The following KRAS variants were observed in gnomAD, a reference collection of about 807,000 sequenced individuals.
KRAS encodes GTPase KRas.
KRAS carries 1 observed loss-of-function variant against 21.0 expected under a neutral mutation model. That is an observed-to-expected ratio of 0.05 (90% CI 0.02 to 0.23). The LOEUF (loss-of-function observed/expected upper bound fraction) is 0.23, where lower values mean the gene tolerates loss of function less well. Among genes scored for constraint, KRAS ranks in the 10% least tolerant of loss-of-function variants. The pLI is 1.00. For missense variants in KRAS, 107 were observed against 221.8 expected (o/e 0.48, Z 3.29); for synonymous variants, 67 against 72.5 (o/e 0.92, Z 0.39).
chr12:25,221,268 G>A (rs61762421), intron 4 of KRAS, among the ~76,000 whole-genome samples: 76 of 148,012 alleles, frequency 5.1e-4, no homozygotes, highest in Middle Eastern at 3.5e-3. Context: ...AGTCTCGCTC[G>A]GTCGTCCAGG....
chr12:25,217,484 A>G (rs1951268768), intron 4 of KRAS, among the ~76,000 whole-genome samples: 1 of 152,078 alleles, frequency 6.6e-6, no homozygotes, highest in African/African-American at 2.4e-5. Context: ...TGATATATTT[A>G]TATTTAACGA....
At chr12:25,216,131 A>G (rs1047858197) in intron 4 of KRAS, among the ~76,000 whole-genome samples, 6 of 152,208 alleles carry the variant, frequency 3.9e-5, no homozygotes, top group African/African-American at 1.4e-4. Context: ...TCCAGGGTAT[A>G]CAAGTGAAGC....
At chr12:25,232,288 G>C (rs1951484058) in intron 2 of KRAS, among the ~76,000 whole-genome samples, 2 of 152,094 alleles carry the variant, frequency 1.3e-5, no homozygotes, top group Non-Finnish European at 2.9e-5. Flanking sequence ...GCTAGGAATA[G>C]TTAAATAGCT....
intron 2 of KRAS, chr12:25,234,703 C>T (rs1951521808): frequency 5.3e-6 from 1 of 188,174 alleles, no homozygotes; most frequent in Non-Finnish European, 1.1e-5. Flanking sequence ...TAAAAGCTAA[C>T]TCATTCAAGA....
At chr12:25,210,040 A>G (rs1951186173) in intron 4 of KRAS, 129 bp from the exon 5 acceptor site, 1 of 599,798 alleles carries the variant, frequency 1.7e-6, no homozygotes. Flanking sequence ...AACTGAATAT[A>G]TATTACATAT....
chr12:25,205,469 CAAAAG>C lies in KRAS; in HGVS notation c.*4321_*4325del. 1 of 215,322 alleles carries C rather than the reference CAAAAG, an allele frequency of 4.6e-6. No individual in the cohort carries two copies. The highest frequency in any genetic ancestry group is 6.9e-5 in the East Asian group (1 of 14,398). The allele number at this position is 215,322 out of a possible 1,614,324, so 13.3% of individuals were successfully genotyped here. ...ACTGGATCACACTGCATATGTCCCA[CAAAAG>C]AAAGCACAATGTACAAAATGTGCAT... On this transcript the variant is annotated 3_prime_UTR_variant, in exon 5 of 5. Transcript: ENST00000311936.
In KRAS at chr12:25,211,619, T is replaced by C. The variant is rs1015787760; in HGVS notation, c.451-1708A>G. On this transcript the variant is annotated intron_variant, in intron 4 of 4. Coordinates refer to ENST00000311936, the MANE Select transcript of KRAS (RefSeq NM_004985.5). Reference sequence around the variant, plus strand: ...AAAATGTTAAGTGGTATTTCTCCTTTACTGTACTACTAAGATTAACGATAT... The same window carrying C: ...AAAATGTTAAGTGGTATTTCTCCTTCACTGTACTACTAAGATTAACGATAT... Among the ~76,000 whole-genome samples, 7 of 152,146 alleles carry C rather than the reference T, an allele frequency of 4.6e-5. No individual in the cohort carries two copies. In the South Asian group the frequency reaches 1.4e-3, roughly 31 times the overall value.
chr12:25,214,737 T>C (rs763614643), intron 4 of KRAS, among the ~76,000 whole-genome samples: 5 of 152,140 alleles, frequency 3.3e-5, no homozygotes, highest in East Asian at 3.9e-4. Context: ...CAATGAATGA[T>C]GGCAGCAACT....
chr12:25,209,585 TCAAAAAC>T lies in KRAS; in HGVS notation c.*203_*209del. 7.5e-7 allele frequency: 1 copy of T among 1,337,702 alleles called. No homozygotes were observed. The highest frequency in any genetic ancestry group is 2.0e-5 in the South Asian group (1 of 49,476). 82.9% of individuals were successfully genotyped at this position (1,337,702 alleles called of 1,614,324 possible). A position where few individuals can be genotyped will look rare whatever the true frequency, so the allele number is the denominator to read the frequency against. On this transcript the variant is annotated 3_prime_UTR_variant, in exon 5 of 5. Coordinates refer to ENST00000311936, the MANE Select transcript of KRAS (RefSeq NM_004985.5). ...TTTCTTTTTCACAGGCATTGCTAGT[TCAAAAAC>T]CAAAACTCTGGGAATACTGGCACTT... is the stretch of plus-strand genomic sequence containing the variant.
chr12:25,225,556 G>A (rs543969427), intron 4 of KRAS, 58 bp downstream of exon 4: 4 of 1,481,560 alleles, frequency 2.7e-6, no homozygotes, highest in Non-Finnish European at 3.8e-6. Context: ...TATATTAAAT[G>A]ACATAACAGT....
intron 1 of KRAS, among the ~76,000 whole-genome samples, chr12:25,249,794 T>C (rs1228717656): frequency 3.3e-5 from 5 of 151,858 alleles, no homozygotes; most frequent in East Asian, 1.9e-4. Context: ...ACATAAGAAA[T>C]AGGGGAAAGG....
chr12:25,249,181 G>A (rs1246427898), intron 1 of KRAS, among the ~76,000 whole-genome samples: 1 of 152,158 alleles, frequency 6.6e-6, no homozygotes, highest in Non-Finnish European at 1.5e-5. Flanking sequence ...CAGATCACGA[G>A]GTCAGGAGTT....
At position 25,209,167 on chromosome 12, in the gene KRAS, A is replaced by AT. The variant is rs781019771; in HGVS notation, c.*627dup. 15 of 658,120 alleles carry AT rather than the reference A, an allele frequency of 2.3e-5. No homozygotes were observed. Among genetic ancestry groups the AT allele is most frequent in the Non-Finnish European group, 3.5e-5 (13 of 367,386 alleles). 40.8% of individuals were successfully genotyped at this position (658,120 alleles called of 1,614,324 possible). ...TTATAATAGTTTCCATTGCCTTGTA[A>AT]TTTTTTTCCATTTTTTTCTTTTTAT... is the stretch of plus-strand genomic sequence containing the variant. On this transcript the variant is annotated 3_prime_UTR_variant, in exon 5 of 5. Transcript: ENST00000311936.
chr12:25,215,501 T>G, intron 4 of KRAS: 1 of 1,612,470 alleles, frequency 6.2e-7, no homozygotes, highest in Non-Finnish European at 8.5e-7. Context: ...CTTTGCTGAT[T>G]TTTTTCAATC....
intron 4 of KRAS, among the ~76,000 whole-genome samples, chr12:25,213,170 C>T (rs769563328): frequency 4.6e-5 from 7 of 152,076 alleles, no homozygotes; most frequent in Admixed American, 3.9e-4. Context: ...AACAAGGATT[C>T]GTCACATCAA....
chr12:25,250,053 A>ACAGCC lies in KRAS; in HGVS notation c.-12+693_-12+697dup, dbSNP rs752798036. ...CCTCCTTTGTGGCCACAGCAATGTC[A>ACAGCC]CAGCCCATACATGGGGGAGGGGAGC... On this transcript the variant is annotated intron_variant, in intron 1 of 4. Transcript: ENST00000311936. Among the ~76,000 whole-genome samples, 23 of 152,208 alleles carry ACAGCC rather than the reference A, an allele frequency of 1.5e-4. No individual in the cohort carries two copies. The East Asian group carries it at 1.9e-3, about 13-fold the overall frequency.
rs1042820295 is a variant in KRAS, at chr12:25,208,881, T to A, written c.*914A>T. The A allele has an allele frequency of 5.3e-5, 13 of 247,608 alleles. No homozygotes were observed. In the Admixed American group the frequency reaches 6.0e-4, roughly 11 times the overall value. The allele number at this position is 247,608 out of a possible 1,614,324, so 15.3% of individuals were successfully genotyped here. ...AATGTCACAAGCAGAATTAAAACTA[T>A]CTTCAAAGACTCAAGTTGAAGAAAA... On this transcript the variant is annotated 3_prime_UTR_variant, in exon 5 of 5. Coordinates refer to ENST00000311936, the MANE Select transcript of KRAS (RefSeq NM_004985.5).
At chr12:25,245,185 T>A in intron 2 of KRAS, 89 bp downstream of exon 2, 1 of 1,326,356 alleles carries the variant, frequency 7.5e-7, no homozygotes, top group East Asian at 2.5e-5. Context: ...TATCTTGTAA[T>A]AAGTACTCAT....
chr12:25,212,682 T>C (rs61762444), intron 4 of KRAS, among the ~76,000 whole-genome samples: 137 of 152,290 alleles, frequency 9.0e-4, no homozygotes, highest in African/African-American at 3.0e-3. Flanking sequence ...TTCTCACACA[T>C]ACACATAACA....
Sources: gnomAD v4.1 joint callset for allele counts (sites outside exome capture counted in the v4.1 genomes callset) on GRCh38, gnomAD v4.1.1 for gene constraint, MANE v1.5 for transcripts, NCBI Gene and HGNC (gene_info 2026-07-23, HGNC 2026-07-21) for gene names.